CASK: variants seen among roughly 807,000 people sequenced by gnomAD.
The protein encoded by CASK is peripheral plasma membrane protein CASK.
Under a neutral mutation model 82.9 loss-of-function variants are expected in CASK, and 4 were observed. That is an observed-to-expected ratio of 0.05 (90% CI 0.02 to 0.11). The LOEUF is 0.11. Ranked by LOEUF, CASK falls within the 10% of genes least tolerant of loss-of-function variation. CASK has a pLI of 1.00. For missense variants in CASK, 358 were observed against 720.9 expected, an observed-to-expected ratio of 0.50 and a Z score of 5.76; for synonymous variants, 259 against 253.5, an observed-to-expected ratio of 1.02 and a Z score of -0.20.
intron 8 of CASK, among the ~76,000 whole-genome samples, chrX:41,642,122 C>A (rs1266721890): frequency 1.8e-5 from 2 of 111,244 alleles, no homozygotes; most frequent in Non-Finnish European, 3.8e-5. Flanking sequence ...ATATGCGCCA[C>A]ATTTTCTTAA....
intron 14 of CASK, among the ~76,000 whole-genome samples, chrX:41,580,370 G>A (rs1001926744): frequency 1.8e-5 from 2 of 111,161 alleles, no homozygotes; most frequent in African/African-American, 3.3e-5. Flanking sequence ...TTGTAGACAC[G>A]GGGTTTCATC....
chrX:41,832,828 C>A (rs5918259), intron 2 of CASK, among the ~76,000 whole-genome samples: 19,040 of 111,704 alleles, frequency 0.17, 1,444 homozygotes, highest in Middle Eastern at 0.29. Context: ...TTGTCTAATA[C>A]ATTTATTTTC....
At chrX:41,679,354 T>C (rs1272452072) in intron 5 of CASK, among the ~76,000 whole-genome samples, 2 of 111,707 alleles carry the variant, frequency 1.8e-5, no homozygotes, top group Non-Finnish European at 3.8e-5. Context: ...TAGAACTTGA[T>C]AGACACAAAA....
intron 2 of CASK, among the ~76,000 whole-genome samples, chrX:41,791,255 C>A (rs1339464191): frequency 1.8e-5 from 2 of 110,206 alleles, no homozygotes; most frequent in Non-Finnish European, 3.8e-5. Context: ...ACCCGTCACC[C>A]AAGCAGTGTA....
intron 2 of CASK, among the ~76,000 whole-genome samples, chrX:41,848,369 A>T (rs2071199045): frequency 8.9e-6 from 1 of 112,164 alleles, no homozygotes; most frequent in African/African-American, 3.2e-5. Flanking sequence ...CCTTGGTGCC[A>T]TCCTGGCAGT....
intron 2 of CASK, among the ~76,000 whole-genome samples, chrX:41,841,493 A>G (rs2071037112): frequency 1.0e-5 from 1 of 99,542 alleles, no homozygotes; most frequent in Non-Finnish European, 2.0e-5. Context: ...AATGCTGTGT[A>G]TTATCTTTTT....
intron 5 of CASK, among the ~76,000 whole-genome samples, chrX:41,712,686 G>A (rs1319121243): frequency 1.8e-5 from 2 of 112,720 alleles, no homozygotes; most frequent in African/African-American, 6.4e-5. Context: ...CAGCCACCAA[G>A]TACGGATGAG....
intron 5 of CASK, among the ~76,000 whole-genome samples, chrX:41,684,089 C>T (rs1025346718): frequency 6.2e-5 from 7 of 112,075 alleles, no homozygotes; most frequent in Non-Finnish European, 1.1e-4. Context: ...TGTCAGTTTT[C>T]ATTATCGTAA....
intron 6 of CASK, 37 bp from the exon 7 acceptor site, chrX:41,665,489 T>C (rs369081452): frequency 4.7e-6 from 5 of 1,072,019 alleles, no homozygotes; most frequent in Admixed American, 2.5e-5. Context: ...AATGTTTACA[T>C]AAAATGGGAT....
intron 3 of CASK, among the ~76,000 whole-genome samples, chrX:41,765,493 T>A (rs1011229326): frequency 2.7e-5 from 3 of 111,835 alleles, no homozygotes; most frequent in Non-Finnish European, 5.6e-5. Flanking sequence ...AAGTCCATCA[T>A]TAGGGGAATG....
At chrX:41,704,030 C>G (rs1030199197) in intron 5 of CASK, among the ~76,000 whole-genome samples, 2 of 110,881 alleles carry the variant, frequency 1.8e-5, no homozygotes, top group African/African-American at 3.3e-5. Context: ...ATCTATACCC[C>G]TCCCCCTCCC....
At chrX:41,653,336 C>T (rs560739343) in intron 8 of CASK, among the ~76,000 whole-genome samples, 2 of 111,834 alleles carry the variant, frequency 1.8e-5, no homozygotes, top group East Asian at 2.8e-4. Context: ...GCAACTGTGT[C>T]GCAATCAATT....
chrX:41,529,846 C>T (rs973136073), intron 25 of CASK, among the ~76,000 whole-genome samples: 6 of 111,953 alleles, frequency 5.4e-5, no homozygotes, highest in African/African-American at 2.0e-4. Context: ...GTGTTGTAAA[C>T]GGAAATGGGT....
intron 1 of CASK, among the ~76,000 whole-genome samples, chrX:41,854,222 GCGCACACA>G (rs1556257241): frequency 4.7e-3 from 396 of 83,478 alleles, no homozygotes; most frequent in South Asian, 7.2e-3. Context: ...GCGCGGGCGC[GCGCACACA>G]CACACACACA....
intron 16 of CASK, among the ~76,000 whole-genome samples, chrX:41,568,868 T>A (rs2065362082): frequency 9.0e-6 from 1 of 111,381 alleles, no homozygotes; most frequent in Admixed American, 9.6e-5. Flanking sequence ...CATGGTGGTG[T>A]GCACCTGTGG....
chrX:41,743,728 T>C (rs2068634403), intron 4 of CASK: 2 of 297,505 alleles, frequency 6.7e-6, no homozygotes, highest in Non-Finnish European at 1.2e-5. Flanking sequence ...GCTATGTTTG[T>C]CTAAGATGCT....
intron 1 of CASK, among the ~76,000 whole-genome samples, chrX:41,860,924 T>G (rs2071464425): frequency 8.9e-6 from 1 of 112,287 alleles, no homozygotes; most frequent in South Asian, 3.7e-4. Flanking sequence ...GGAGGTTTAT[T>G]TGAAACAGCT....
chrX:41,735,652 CTT>C (rs1333813295), intron 5 of CASK, among the ~76,000 whole-genome samples: 1 of 109,460 alleles, frequency 9.1e-6, no homozygotes, highest in Non-Finnish European at 1.9e-5. Flanking sequence ...TTACTCTCCT[CTT>C]TGCACATTTT....
chrX:41,917,150 A>C (rs2072707810), intron 1 of CASK, among the ~76,000 whole-genome samples: 1 of 112,405 alleles, frequency 8.9e-6, no homozygotes, highest in Non-Finnish European at 1.9e-5. Flanking sequence ...GTATTTTCAC[A>C]ACTTGAATTA....
Sources: allele counts gnomAD v4.1 joint callset (sites outside exome capture counted in the v4.1 genomes callset), GRCh38; gene constraint gnomAD v4.1.1; transcripts MANE v1.5; gene names NCBI Gene and HGNC (gene_info 2026-07-23, HGNC 2026-07-21).